CPPED1: variants seen among roughly 807,000 people sequenced by gnomAD.
CPPED1 encodes the protein serine/threonine-protein phosphatase CPPED1.
CPPED1 carries 28 observed loss-of-function variants against 28.0 expected under a neutral mutation model. The observed-to-expected ratio is 1.00, with a 90% CI of 0.74 to 1.37. The LOEUF (loss-of-function observed/expected upper bound fraction) is 1.37, where lower values mean the gene tolerates loss of function less well. Ranked by LOEUF, CPPED1 falls within the 40% of genes most tolerant of loss-of-function variation. CPPED1 has a pLI of 0.00. For missense variants in CPPED1, 504 were observed against 416.5 expected (o/e 1.21, Z -1.83); for synonymous variants, 198 against 180.2 (o/e 1.10, Z -0.79).
chr16:12,785,697 G>A lies in CPPED1; in HGVS notation c.71-4294C>T, dbSNP rs376710359. On this transcript the variant is annotated intron_variant, in intron 1 of 3. Coordinates refer to ENST00000381774, the MANE Select transcript of CPPED1 (RefSeq NM_018340.3). ...CCCGCCTTGGCCTTGGACTCCCAAA[G>A]TACTGGGATTATAGGCATGAGCCAC... 2.5e-3 allele frequency among the ~76,000 whole-genome samples: 382 copies of A among 152,198 alleles called. 3 individuals are homozygous for A. The Middle Eastern group carries it at 0.031, about 12-fold the overall frequency.
At chr16:12,706,168 A>T (rs1276506553) in intron 2 of CPPED1, among the ~76,000 whole-genome samples, 3 of 152,128 alleles carry the variant, frequency 2.0e-5, no homozygotes, top group Non-Finnish European at 4.4e-5. Context: ...AATATATAGT[A>T]AGTTAATAAT....
chr16:12,792,635 T>A (rs1049018642), intron 1 of CPPED1, among the ~76,000 whole-genome samples: 5 of 152,128 alleles, frequency 3.3e-5, no homozygotes, highest in African/African-American at 1.2e-4. Context: ...AATTCCCACA[T>A]GTCATGGGAA....
chr16:12,798,325 T>G (rs2080639361), intron 1 of CPPED1, among the ~76,000 whole-genome samples: 1 of 152,346 alleles, frequency 6.6e-6, no homozygotes, highest in African/African-American at 2.4e-5. Flanking sequence ...AAATAAGAGA[T>G]AACTAGTTTG....
intron 3 of CPPED1, among the ~76,000 whole-genome samples, chr16:12,684,709 G>A (rs2079923752): frequency 6.6e-6 from 1 of 152,060 alleles, no homozygotes; most frequent in African/African-American, 2.4e-5. Context: ...TCCCACCTTG[G>A]TTTCCCCTAC....
intron 3 of CPPED1, among the ~76,000 whole-genome samples, chr16:12,686,413 C>T (rs996611800): frequency 6.6e-6 from 1 of 152,098 alleles, no homozygotes; most frequent in East Asian, 1.9e-4. Flanking sequence ...TTTGGAAACT[C>T]CTACAAAATA....
chr16:12,660,286 G>A lies in CPPED1; in HGVS notation c.*4600C>T, dbSNP rs2079786712. 1 of 152,140 alleles carries A rather than the reference G, an allele frequency of 6.6e-6. No individual in the cohort carries two copies. Among genetic ancestry groups the A allele is most frequent in the South Asian group, 2.1e-4 (1 of 4,838 alleles). 9.4% of individuals were successfully genotyped at this position (152,140 alleles called of 1,614,324 possible). On this transcript the variant is annotated 3_prime_UTR_variant, in exon 4 of 4. Coordinates refer to ENST00000381774, the MANE Select transcript of CPPED1 (RefSeq NM_018340.3). Reference sequence around the variant, plus strand: ...AGAAATCTACTTCTCAAACATAATGGTCAGAATAATGAAGGGTAACATGAT... The same window carrying A: ...AGAAATCTACTTCTCAAACATAATGATCAGAATAATGAAGGGTAACATGAT...
intron 3 of CPPED1, among the ~76,000 whole-genome samples, chr16:12,675,845 G>C (rs553642919): frequency 2.0e-5 from 3 of 152,292 alleles, no homozygotes; most frequent in Admixed American, 6.5e-5. Context: ...AAGAGGGAGA[G>C]AAATGGAAAG....
At chr16:12,675,414 CAT>C (rs1326016697) in intron 3 of CPPED1, among the ~76,000 whole-genome samples, 2 of 152,198 alleles carry the variant, frequency 1.3e-5, no homozygotes, top group Non-Finnish European at 2.9e-5. Context: ...GCATTAGCTT[CAT>C]ATGTTTTTTT....
Position 12,778,473 on chromosome 16 carries a change from A to C in CPPED1, c.289+2712T>G, listed in dbSNP as rs372158913. ...TGTATTTTAGTAGAGACGGGGTTTC[A>C]CCATGTTGGCCAGGCTGGTCTTGAA... On this transcript the variant is annotated intron_variant, in intron 2 of 3. Coordinates refer to ENST00000381774, the MANE Select transcript of CPPED1 (RefSeq NM_018340.3). Among the ~76,000 whole-genome samples the C allele has an allele frequency of 1.4e-4, 21 of 151,546 alleles. 1 individual carries two copies. The East Asian group carries it at 1.8e-3, about 13-fold the overall frequency.
intron 1 of CPPED1, among the ~76,000 whole-genome samples, chr16:12,794,363 T>C (rs1196891807): frequency 6.6e-6 from 1 of 152,104 alleles, no homozygotes; most frequent in Non-Finnish European, 1.5e-5. Flanking sequence ...GTGGTAAATA[T>C]TATTTAATTA....
chr16:12,692,007 C>A (rs180821912), intron 3 of CPPED1, among the ~76,000 whole-genome samples: 1 of 152,018 alleles, frequency 6.6e-6, no homozygotes, highest in Admixed American at 6.6e-5. Context: ...GCATGCACCA[C>A]CATGCCTGGA....
intron 1 of CPPED1, among the ~76,000 whole-genome samples, chr16:12,791,898 C>T (rs918892900): frequency 1.3e-5 from 2 of 151,858 alleles, no homozygotes; most frequent in African/African-American, 4.8e-5. Context: ...TGGATCCCCA[C>T]TCATCCACTC....
chr16:12,741,104 C>G (rs1218898013), intron 2 of CPPED1, among the ~76,000 whole-genome samples: 2 of 151,966 alleles, frequency 1.3e-5, no homozygotes, highest in East Asian at 3.9e-4. Context: ...TATAATGGGG[C>G]CCAATTATGA....
In CPPED1 at chr16:12,722,565, T is replaced by C. The variant is rs191207064; in HGVS notation, c.290-17516A>G. On this transcript the variant is annotated intron_variant, in intron 2 of 3. Coordinates refer to ENST00000381774, the MANE Select transcript of CPPED1 (RefSeq NM_018340.3). ...CAGCCTGGGCAACACGGCGAGACCC[T>C]GTCTCTACAAAAATACAAAAATTAG... Among the ~76,000 whole-genome samples the C allele has an allele frequency of 1.4e-3, 212 of 152,308 alleles. 1 individual carries two copies. The highest frequency in any genetic ancestry group is 2.3e-3 in the Non-Finnish European group (158 of 68,030).
intron 1 of CPPED1, among the ~76,000 whole-genome samples, chr16:12,801,020 G>GC (rs1008260447): frequency 1.3e-5 from 2 of 152,032 alleles, no homozygotes; most frequent in African/African-American, 2.4e-5. Flanking sequence ...CCACTCCCCC[G>GC]CCCCCAACTT....
intron 3 of CPPED1, among the ~76,000 whole-genome samples, chr16:12,701,688 C>T (rs930250281): frequency 2.0e-5 from 3 of 152,150 alleles, no homozygotes; most frequent in African/African-American, 7.2e-5. Flanking sequence ...CAGTCAGTTA[C>T]ACACCCATCT....
intron 2 of CPPED1, among the ~76,000 whole-genome samples, chr16:12,706,234 C>G (rs2080049685): frequency 1.3e-5 from 2 of 151,848 alleles, no homozygotes; most frequent in Non-Finnish European, 2.9e-5. Flanking sequence ...CACATGTATT[C>G]ATGTATTATG....
At chr16:12,706,513 C>T (rs2080051405) in intron 2 of CPPED1, among the ~76,000 whole-genome samples, 1 of 145,724 alleles carries the variant, frequency 6.9e-6, no homozygotes, top group South Asian at 2.2e-4. Context: ...TCCCTTCCTT[C>T]TTTCCTTCCT....
At chr16:12,801,328 G>T (rs867557114) in intron 1 of CPPED1, among the ~76,000 whole-genome samples, 4 of 152,124 alleles carry the variant, frequency 2.6e-5, no homozygotes, top group Non-Finnish European at 5.9e-5. Flanking sequence ...CCTGACCTCA[G>T]GTGATCCACC....
Sources: gnomAD v4.1 joint callset for allele counts (sites outside exome capture counted in the v4.1 genomes callset) on GRCh38, gnomAD v4.1.1 for gene constraint, MANE v1.5 for transcripts, NCBI Gene and HGNC (gene_info 2026-07-23, HGNC 2026-07-21) for gene names.